FBXO44: variants seen among roughly 807,000 people sequenced by gnomAD.
The protein encoded by FBXO44 is F-box protein 44, also known as F-box only protein 44.
Under a neutral mutation model 33.5 loss-of-function variants are expected in FBXO44, and 25 were observed. That is an observed-to-expected ratio of 0.75 (90% CI 0.54 to 1.04). The LOEUF is 1.04. Among genes scored for constraint, FBXO44 ranks in the 50% least tolerant of loss-of-function variants. The pLI is 0.00. For missense variants in FBXO44, 311 were observed against 344.0 expected, an observed-to-expected ratio of 0.90 and a Z score of 0.76; for synonymous variants, 147 against 152.8, an observed-to-expected ratio of 0.96 and a Z score of 0.28.
chr1:11,657,586 C>T (rs1011012440), intron 2 of FBXO44, among the ~76,000 whole-genome samples: 4 of 151,938 alleles, frequency 2.6e-5, no homozygotes, highest in Non-Finnish European at 4.4e-5. Context: ...CAAAAAAATA[C>T]AAACATTAAC....
Position 11,655,892 on chromosome 1 carries a change from G to T in FBXO44, c.57G>T (p.Thr19=). ...AGAACATCCTGCTGGAGCTGTTCAC[G>T]CACGTGCCCGCCCGCCAGCTGCTGC... The part of the protein sequence containing the change: ...LPENILLELF[T]HVPARQLLLN... The change falls in exon 2 of 6, where the codon ACG becomes ACT. Residue 19 remains threonine (T), a synonymous_variant. Coordinates refer to ENST00000251547, the MANE Select transcript of FBXO44 (RefSeq NM_033182.7). The T allele has an allele frequency of 1.9e-6, 3 of 1,613,884 alleles. No individual in the cohort carries two copies. The highest frequency in any genetic ancestry group is 2.5e-6 in the Non-Finnish European group (3 of 1,180,014).
In FBXO44 at chr1:11,658,319, G is replaced by A. The variant is rs757231246; in HGVS notation, c.318G>A (p.Val106=). 3 of 1,613,036 alleles carry A rather than the reference G, an allele frequency of 1.9e-6. No homozygotes were observed. The highest frequency in any genetic ancestry group is 2.2e-5 in the East Asian group (1 of 44,892). ...LDVNGGDEWK[V]EDLSRDQRKE... The stretch of plus-strand genomic sequence containing the variant: ...TGAATGGAGGCGATGAGTGGAAGGT[G>A]GAGGATCTCTCTCGAGACCAGAGGA... Residue 106 remains valine (V), a synonymous_variant, in exon 3 of 6, where the codon GTG becomes GTA. Coordinates refer to ENST00000251547, the MANE Select transcript of FBXO44 (RefSeq NM_033182.7).
rs888140501 is a variant in FBXO44 at position 11,661,031 on chromosome 1, C to A, written c.625-99C>A. On this transcript the variant is annotated intron_variant, in intron 5 of 5. Coordinates refer to ENST00000251547, the MANE Select transcript of FBXO44 (RefSeq NM_033182.7). The surrounding 1 kb of genome is among the most constrained non-coding windows in gnomAD (Gnocchi z 4.4). Reference sequence around the variant, plus strand: ...CTCCTGGGCTCAAACAACCCTCCCACCTCAGCCTCCCAAAGTACTGGGATT... The same window carrying A: ...CTCCTGGGCTCAAACAACCCTCCCAACTCAGCCTCCCAAAGTACTGGGATT... 3 of 1,311,374 alleles carry A rather than the reference C, an allele frequency of 2.3e-6. No individual in the cohort carries two copies. Among genetic ancestry groups the A allele is most frequent in the African/African-American group, 3.0e-5 (2 of 67,784 alleles). The allele number at this position is 1,311,374 out of a possible 1,614,324, so 81.2% of individuals were successfully genotyped here. A position where few individuals can be genotyped will look rare whatever the true frequency, so the allele number is the denominator to read the frequency against.
intron 4 of FBXO44, 51 bp downstream of exon 4, chr1:11,658,679 C>CACCCCCCCCCCGCCCCCCAAA: frequency 6.2e-7 from 1 of 1,603,832 alleles, no homozygotes; most frequent in Non-Finnish European, 8.5e-7. Context: ...TCAGGCGCCC[C>CACCCCCCCCCCGCCCCCCAAA]ACCCCCGCCC....
rs116444721 is a variant in FBXO44, at chr1:11,659,246, G to T, written c.624+375G>T. ...TTACTAAAAATACAAAATTACCCAG[G>T]CGTGGTGGCACATGCCAGCTACTTG... On this transcript the variant is annotated intron_variant, in intron 5 of 5. Transcript: ENST00000251547. Among the ~76,000 whole-genome samples the T allele has an allele frequency of 2.2e-3, 332 of 152,288 alleles. 2 individuals carry two copies. The highest frequency in any genetic ancestry group is 7.3e-3 in the African/African-American group (305 of 41,558).
At position 11,656,075 on chromosome 1, in the gene FBXO44, C is replaced by T; in HGVS notation, c.240C>T (p.Asn80=). 2 of 1,614,114 alleles carry T rather than the reference C, an allele frequency of 1.2e-6. No homozygotes were observed. Among genetic ancestry groups the T allele is most frequent in the Non-Finnish European group, 1.7e-6 (2 of 1,179,966 alleles). Residue 80 remains asparagine, a synonymous_variant, in exon 2 of 6, where the codon AAC becomes AAT. Transcript: ENST00000251547. ...IFYFLRSLHR[N]LLHNPCAEEG... is the part of the protein sequence containing the mutation. Reference sequence around the variant, plus strand: ...ACTTCTTACGGAGCCTGCACAGGAACCTCCTGCACAACCCGTGCGCTGAAG... The same window carrying T: ...ACTTCTTACGGAGCCTGCACAGGAATCTCCTGCACAACCCGTGCGCTGAAG...
chr1:11,661,007 T>G lies in FBXO44; in HGVS notation c.625-123T>G. The G allele has an allele frequency of 9.7e-7, 1 of 1,034,822 alleles. No individual in the cohort carries two copies. Among genetic ancestry groups the G allele is most frequent in the Non-Finnish European group, 1.4e-6 (1 of 705,224 alleles). 64.1% of individuals were successfully genotyped at this position (1,034,822 alleles called of 1,614,324 possible). A position where few individuals can be genotyped will look rare whatever the true frequency, so the allele number is the denominator to read the frequency against. ...GTTTGCGACAAGACTAGTTGCAAAC[T>G]CCTGGGCTCAAACAACCCTCCCACC... On this transcript the variant is annotated intron_variant, in intron 5 of 5. Coordinates refer to ENST00000251547, the MANE Select transcript of FBXO44 (RefSeq NM_033182.7). This position sits in a 1 kb window ranked among gnomAD's most constrained non-coding sequence, Gnocchi z 4.4.
Position 11,658,579 on chromosome 1 carries a change from T to C in FBXO44, c.439T>C (p.Trp147Arg). The C allele has an allele frequency of 6.2e-7, 1 of 1,613,184 alleles. No homozygotes were observed. The highest frequency in any genetic ancestry group is 8.5e-7 in the Non-Finnish European group (1 of 1,179,882). Residue 147 changes from tryptophan to arginine, a missense_variant, in exon 4 of 6, where the codon TGG (tryptophan) becomes CGG (arginine). Coordinates refer to ENST00000251547, the MANE Select transcript of FBXO44 (RefSeq NM_033182.7). Reference protein sequence around the residue: ...QVVDLKAEGYWEELMDTTRPD... With the variant: ...QVVDLKAEGYREELMDTTRPD... ...GGTGGACCTCAAGGCCGAAGGGTAT[T>C]GGGAGGAGCTGATGGATACCACACG...
intron 5 of FBXO44, 89 bp downstream of exon 5, chr1:11,658,960 G>A (rs1640012152): frequency 6.6e-7 from 1 of 1,513,746 alleles, no homozygotes; most frequent in Non-Finnish European, 8.9e-7. Flanking sequence ...TCCAAGCTCT[G>A]CACCTTCTCA....
chr1:11,658,603 C>G lies in FBXO44; in HGVS notation c.463C>G (p.Arg155Gly), dbSNP rs1357810699. ...GYWEELMDTT[R>G]PDIEVKDWFA... is the part of the protein sequence containing the mutation. ...TTGGGAGGAGCTGATGGATACCACA[C>G]GGCCGGACATCGAGGTCAAGGACTG... The change falls in exon 4 of 6, where the codon CGG becomes GGG. Residue 155 changes from arginine to glycine, a missense_variant. Coordinates refer to ENST00000251547, the MANE Select transcript of FBXO44 (RefSeq NM_033182.7). 3 of 1,613,230 alleles carry G rather than the reference C, an allele frequency of 1.9e-6. No individual in the cohort carries two copies. Among genetic ancestry groups the G allele is most frequent in the East Asian group, 2.2e-5 (1 of 44,792 alleles).
chr1:11,655,939 G>A lies in FBXO44; in HGVS notation c.104G>A (p.Ser35Asn). The A allele has an allele frequency of 6.2e-7, 1 of 1,614,036 alleles. No homozygotes were observed. Among genetic ancestry groups the A allele is most frequent in the Non-Finnish European group, 8.5e-7 (1 of 1,180,026 alleles). The change falls in exon 2 of 6, where the codon AGC becomes AAC. Residue 35 changes from serine (S) to asparagine (N), a missense_variant. Coordinates refer to ENST00000251547, the MANE Select transcript of FBXO44 (RefSeq NM_033182.7). Reference sequence around the variant, plus strand: ...CTGCTGAACTGCCGCCTGGTCTGCAGCCTCTGGCGGGACCTCATCGACCTC... The same window carrying A: ...CTGCTGAACTGCCGCCTGGTCTGCAACCTCTGGCGGGACCTCATCGACCTC... The part of the protein sequence containing the change: ...QLLLNCRLVC[S>N]LWRDLIDLVT...
chr1:11,654,555 C>A, upstream of FBXO44: 1 of 393,322 alleles, frequency 2.5e-6, no homozygotes, highest in South Asian at 1.2e-4. Flanking sequence ...CTGCGGGTTC[C>A]TCAGCGGACC....
intron 1 of FBXO44, among the ~76,000 whole-genome samples, chr1:11,655,158 G>C (rs1443420617): frequency 6.6e-6 from 1 of 150,854 alleles, no homozygotes; most frequent in Non-Finnish European, 1.5e-5. Flanking sequence ...AGGGGTCCGA[G>C]CCCAGACTTT....
At position 11,655,562 on chromosome 1, in the gene FBXO44, C is replaced by T. The variant is rs898515830; in HGVS notation, c.-30-244C>T. 1.2e-4 allele frequency: 62 copies of T among 514,554 alleles called. 1 individual carries two copies. In the Admixed American group the frequency reaches 2.0e-3, roughly 17 times the overall value. The allele number at this position is 514,554 out of a possible 1,614,324, so 31.9% of individuals were successfully genotyped here. Reference sequence around the variant, plus strand: ...TCAAAGAAGATCCGGGCTTCTTCCCCCTCTGCCCTTATTTTTGACCTTGGG... The same window carrying T: ...TCAAAGAAGATCCGGGCTTCTTCCCTCTCTGCCCTTATTTTTGACCTTGGG... On this transcript the variant is annotated intron_variant, in intron 1 of 5. Coordinates refer to ENST00000251547, the MANE Select transcript of FBXO44 (RefSeq NM_033182.7).
intron 5 of FBXO44, 101 bp downstream of exon 5, chr1:11,658,972 C>T: frequency 6.9e-7 from 1 of 1,441,446 alleles, no homozygotes; most frequent in Non-Finnish European, 9.4e-7. Flanking sequence ...ACCTTCTCAC[C>T]TGTGCTTCCA....
rs1366786532 is a variant in FBXO44, at chr1:11,655,662, G to A, written c.-30-144G>A. The A allele has an allele frequency of 4.0e-6, 3 of 745,676 alleles. No individual in the cohort carries two copies. In the African/African-American group the frequency reaches 5.3e-5, roughly 13 times the overall value. The allele number at this position is 745,676 out of a possible 1,614,324, so 46.2% of individuals were successfully genotyped here. ...CACCTTTTATTAAAGTACCTGATGT[G>A]TCCCAAGCTCCTTGGACCGCCCCAG... On this transcript the variant is annotated intron_variant, in intron 1 of 5. Coordinates refer to ENST00000251547, the MANE Select transcript of FBXO44 (RefSeq NM_033182.7).
At position 11,656,117 on chromosome 1, in the gene FBXO44, G is replaced by A; in HGVS notation, c.265+17G>A. 6.2e-7 allele frequency: 1 copy of A among 1,611,322 alleles called. No individual in the cohort carries two copies. The highest frequency in any genetic ancestry group is 1.1e-5 in the South Asian group (1 of 90,976). On this transcript the variant is annotated intron_variant, in intron 2 of 5. Coordinates refer to ENST00000251547, the MANE Select transcript of FBXO44 (RefSeq NM_033182.7). ...GCGCTGAAGGTGGGGTACAGGCCGG[G>A]TCTGGCATGCCTCCAGTACACAGTC...
chr1:11,661,239 A>G lies in FBXO44; in HGVS notation c.734A>G (p.Asn245Ser), dbSNP rs1557665172. The G allele has an allele frequency of 6.2e-7, 1 of 1,614,156 alleles. No homozygotes were observed. Among genetic ancestry groups the G allele is most frequent in the Admixed American group, 1.7e-5 (1 of 60,030 alleles). Residue 245 changes from asparagine (N) to serine (S), a missense_variant, in exon 6 of 6, where the codon AAC (asparagine) becomes AGC (serine). Asn to Ser is a conservative substitution (Grantham distance 46, BLOSUM62 1). Transcript: ENST00000251547. The surrounding 1 kb of genome is among the most constrained non-coding windows in gnomAD (Gnocchi z 4.4). ...WAGWYGPRVT[N>S]SSITIGPPLP ...GGCTGGTACGGCCCGAGGGTCACCAACAGCAGCATCACCATCGGGCCCCCG... is the reference window on the plus strand; with the variant it reads ...GGCTGGTACGGCCCGAGGGTCACCAGCAGCAGCATCACCATCGGGCCCCCG...
intron 5 of FBXO44, 35 bp downstream of exon 5, chr1:11,658,906 T>C: frequency 6.3e-7 from 1 of 1,599,736 alleles, no homozygotes; most frequent in South Asian, 1.1e-5. Flanking sequence ...CAGAGGCAGA[T>C]CGTCCAAGGC....
Sources: gnomAD v4.1 joint callset for allele counts (sites outside exome capture counted in the v4.1 genomes callset) on GRCh38, gnomAD v4.1.1 for gene constraint, Gnocchi (gnomAD v3.1) non-coding constraint, MANE v1.5 for transcripts, NCBI Gene and HGNC (gene_info 2026-07-23, HGNC 2026-07-21) for gene names.